Variants in NTN1 observed in about 807,000 individuals in gnomAD.
The protein encoded by NTN1 is netrin-1.
NTN1 carries 11 observed loss-of-function variants against 54.2 expected under a neutral mutation model. The ratio of observed to expected loss-of-function variants is 0.20; its 90% CI spans 0.13 to 0.34. The LOEUF (loss-of-function observed/expected upper bound fraction) is 0.34. Among genes scored for constraint, NTN1 ranks in the 10% least tolerant of loss-of-function variants. The pLI is 1.00. For missense variants in NTN1, 740 were observed against 893.1 expected, an observed-to-expected ratio of 0.83 and a Z score of 2.18; for synonymous variants, 371 against 382.0, an observed-to-expected ratio of 0.97 and a Z score of 0.33.
intron 2 of NTN1, among the ~76,000 whole-genome samples, chr17:9,093,032 A>G (rs2142234943): frequency 6.6e-6 from 1 of 152,336 alleles, no homozygotes; most frequent in South Asian, 2.1e-4. Flanking sequence ...TGCTGAGATT[A>G]CAGGCGTGAG....
At chr17:9,075,639 A>G (rs1183835543) in intron 2 of NTN1, among the ~76,000 whole-genome samples, 1 of 152,232 alleles carries the variant, frequency 6.6e-6, no homozygotes, top group Non-Finnish European at 1.5e-5. Context: ...CTCCAAGCTC[A>G]TCGTCATTGC....
intron 2 of NTN1, among the ~76,000 whole-genome samples, chr17:9,136,347 G>T (rs535671677): frequency 6.6e-6 from 1 of 152,250 alleles, no homozygotes; most frequent in Non-Finnish European, 1.5e-5. Context: ...GCCAAGGCAG[G>T]TGGATCACCT....
intron 2 of NTN1, 56 bp from the exon 3 acceptor site, chr17:9,162,757 G>A: frequency 1.3e-6 from 2 of 1,526,572 alleles, no homozygotes; most frequent in Non-Finnish European, 1.8e-6. Flanking sequence ...ACGCTCTTGG[G>A]TGCCTGTCCT....
chr17:9,020,237 G>A (rs1029749125), upstream of NTN1, among the ~76,000 whole-genome samples: 3 of 152,226 alleles, frequency 2.0e-5, no homozygotes, highest in African/African-American at 7.2e-5. Context: ...CCAGGACCTG[G>A]GGCTTTTCAT....
At chr17:9,053,171 A>G (rs1378154967) in intron 2 of NTN1, among the ~76,000 whole-genome samples, 1 of 152,242 alleles carries the variant, frequency 6.6e-6, no homozygotes, top group Non-Finnish European at 1.5e-5. Flanking sequence ...GCCGCTTTCC[A>G]TACAACAGCA....
chr17:9,215,610 G>A (rs1905202593), intron 5 of NTN1, among the ~76,000 whole-genome samples: 1 of 152,098 alleles, frequency 6.6e-6, no homozygotes, highest in Non-Finnish European at 1.5e-5. Context: ...TTTCTTTATT[G>A]TGGCCTATAT....
chr17:9,017,485 A>G (rs950645719), upstream of NTN1, among the ~76,000 whole-genome samples: 2 of 151,988 alleles, frequency 1.3e-5, no homozygotes, highest in South Asian at 2.1e-4. Context: ...GCTCTTACCC[A>G]TTGGTTTCTA....
chr17:9,201,163 C>A (rs149713542), intron 5 of NTN1, among the ~76,000 whole-genome samples: 1,848 of 152,292 alleles, frequency 0.012, 13 homozygotes, highest in Non-Finnish European at 0.018. Flanking sequence ...AGGCTGCTGG[C>A]AGGTGTTTCT....
chr17:9,195,192 A>ACCGCCCCCCCCCC (rs3031881), intron 5 of NTN1, among the ~76,000 whole-genome samples: 28 of 142,482 alleles, frequency 2.0e-4, no homozygotes, highest in Non-Finnish European at 2.9e-4. Flanking sequence ...GGCGAGCTCT[A>ACCGCCCCCCCCCC]CCACCCCTCC....
At chr17:9,238,146 AC>A (rs1217332724) in intron 6 of NTN1, among the ~76,000 whole-genome samples, 1 of 151,942 alleles carries the variant, frequency 6.6e-6, no homozygotes, top group African/African-American at 2.4e-5. Flanking sequence ...AGAGACGTTG[AC>A]AGAAGCCAGC....
At chr17:9,010,018 A>G in the NTN1 span, among the ~76,000 whole-genome samples, 1 of 152,174 alleles carries the variant, frequency 6.6e-6, no homozygotes, top group Non-Finnish European at 1.5e-5. Flanking sequence ...GCTCTCATAC[A>G]GTAAAGCCCT....
intron 2 of NTN1, among the ~76,000 whole-genome samples, chr17:9,124,172 G>A (rs545683520): frequency 1.3e-5 from 2 of 152,196 alleles, no homozygotes; most frequent in South Asian, 2.1e-4. Flanking sequence ...TTAAAAATCA[G>A]CAGCCTCACT....
chr17:9,152,230 G>C (rs926482628), intron 2 of NTN1, among the ~76,000 whole-genome samples: 14 of 152,144 alleles, frequency 9.2e-5, no homozygotes, highest in African/African-American at 3.1e-4. Context: ...GCGAGACCGG[G>C]AACCCACTGG....
At chr17:9,216,041 A>T (rs1000854316) in intron 5 of NTN1, among the ~76,000 whole-genome samples, 46 of 152,200 alleles carry the variant, frequency 3.0e-4, no homozygotes, top group African/African-American at 1.1e-3. Context: ...GCTCACTACA[A>T]TCTCAAACTC....
chr17:9,176,273 G>A (rs2092399842), intron 3 of NTN1: 1 of 152,540 alleles, frequency 6.6e-6, no homozygotes, highest in Non-Finnish European at 1.5e-5. Context: ...CCGTGTGTTT[G>A]TGAGTCAATG....
At chr17:9,162,753 T>C (rs1306918030) in intron 2 of NTN1, 60 bp from the exon 3 acceptor site, 2 of 1,510,552 alleles carry the variant, frequency 1.3e-6, no homozygotes, top group Non-Finnish European at 1.8e-6. Flanking sequence ...TTTGACGCTC[T>C]TGGGTGCCTG....
At chr17:9,232,781 G>T (rs1408874004) in intron 6 of NTN1, among the ~76,000 whole-genome samples, 2 of 152,100 alleles carry the variant, frequency 1.3e-5, no homozygotes, top group Non-Finnish European at 2.9e-5. Context: ...ACACTCCCCG[G>T]CAAGGAGTCA....
chr17:9,202,480 G>T (rs1904827259), intron 5 of NTN1, among the ~76,000 whole-genome samples: 1 of 152,130 alleles, frequency 6.6e-6, no homozygotes, highest in Admixed American at 6.6e-5. Context: ...AGTGTATTGA[G>T]AATTCATTAC....
At chr17:9,152,758 G>T (rs2092331138) in intron 2 of NTN1, among the ~76,000 whole-genome samples, 1 of 152,230 alleles carries the variant, frequency 6.6e-6, no homozygotes, top group African/African-American at 2.4e-5. Flanking sequence ...TTTAGGGCCA[G>T]AAAATAACTT....
Sources: gnomAD v4.1 joint callset for allele counts (sites outside exome capture counted in the v4.1 genomes callset) on GRCh38, gnomAD v4.1.1 for gene constraint, MANE v1.5 for transcripts, NCBI Gene and HGNC (gene_info 2026-07-23, HGNC 2026-07-21) for gene names.